The following HABP4 variants were observed in gnomAD, a reference collection of about 807,000 sequenced individuals.
The protein encoded by HABP4 is intracellular hyaluronan-binding protein 4.
A neutral mutation model predicts 44.1 loss-of-function variants in HABP4; 32 were observed. The observed-to-expected ratio is 0.73, with a 90% CI of 0.55 to 0.97. HABP4 has a LOEUF of 0.97. HABP4 is among the 50% of genes least tolerant of loss of function. HABP4 has a pLI of 0.00. For missense variants in HABP4, 503 were observed against 561.9 expected (o/e 0.90, Z 1.06); for synonymous variants, 216 against 218.0 (o/e 0.99, Z 0.08).
chr9:96,452,705 A>G (rs769461439), intron 1 of HABP4, among the ~76,000 whole-genome samples: 4 of 152,132 alleles, frequency 2.6e-5, no homozygotes, highest in Non-Finnish European at 4.4e-5. Flanking sequence ...TTTATCTATA[A>G]TGGGTGTCAA....
In HABP4 at chr9:96,488,575, G is replaced by A. The variant is rs902341186; in HGVS notation, c.1185+301G>A. ...TTGGGATTGAACTGGAGCACCTGAC[G>A]TTTTGCTTACTGTGGCCTGATTGTG... On this transcript the variant is annotated intron_variant, in intron 7 of 7. Coordinates refer to ENST00000375249, the MANE Select transcript of HABP4 (RefSeq NM_014282.4). This position sits in a 1 kb window ranked among gnomAD's most constrained non-coding sequence, Gnocchi z 4.6. Among the ~76,000 whole-genome samples the A allele has an allele frequency of 7.9e-5, 12 of 152,154 alleles. No homozygotes were observed. The South Asian group carries it at 1.2e-3, about 16-fold the overall frequency.
At chr9:96,489,839 A>T (rs1200031134) in intron 7 of HABP4, 143 bp from the exon 8 acceptor site, 1 of 681,922 alleles carries the variant, frequency 1.5e-6, no homozygotes, top group East Asian at 2.6e-5. Context: ...GTTAGCAGTG[A>T]CCTGTGACTC....
At position 96,470,271 on chromosome 9, in the gene HABP4, C is replaced by T. The variant is rs888726911; in HGVS notation, c.744-740C>T. Among the ~76,000 whole-genome samples, 4 of 152,042 alleles carry T rather than the reference C, an allele frequency of 2.6e-5. No homozygotes were observed. The East Asian group carries it at 5.9e-4, about 22-fold the overall frequency. On this transcript the variant is annotated intron_variant, in intron 4 of 7. Coordinates refer to ENST00000375249, the MANE Select transcript of HABP4 (RefSeq NM_014282.4). Reference sequence around the variant, plus strand: ...CTACAGTGAGCTGTGATGGCGCCACCGCACTCCAACCACCATGCCCAGCTA... The same window carrying T: ...CTACAGTGAGCTGTGATGGCGCCACTGCACTCCAACCACCATGCCCAGCTA...
Position 96,490,278 on chromosome 9 carries a change from A to G in HABP4, c.*240A>G. 1.8e-6 allele frequency: 1 copy of G among 561,110 alleles called. No individual in the cohort carries two copies. Among genetic ancestry groups the G allele is most frequent in the Non-Finnish European group, 3.2e-6 (1 of 314,700 alleles). The allele number at this position is 561,110 out of a possible 1,614,324, so 34.8% of individuals were successfully genotyped here. ...GTTTTTATTGAAGGAATTTCAAATG[A>G]AGAATAATGTTTAAAATGTGTATAT... On this transcript the variant is annotated 3_prime_UTR_variant, in exon 8 of 8. Coordinates refer to ENST00000375249, the MANE Select transcript of HABP4 (RefSeq NM_014282.4).
chr9:96,460,999 G>A (rs1832491603), intron 2 of HABP4, among the ~76,000 whole-genome samples: 1 of 152,144 alleles, frequency 6.6e-6, no homozygotes, highest in East Asian at 1.9e-4. Context: ...AATAACATTT[G>A]AGCCAAGCAT....
At chr9:96,472,570 G>C (rs1339629066) in intron 5 of HABP4, among the ~76,000 whole-genome samples, 1 of 152,002 alleles carries the variant, frequency 6.6e-6, no homozygotes, top group Admixed American at 6.6e-5. Flanking sequence ...CATCCCCCCC[G>C]ACCTCTTCAC....
At chr9:96,485,342 C>T (rs1038648184) in intron 6 of HABP4, among the ~76,000 whole-genome samples, 1 of 152,240 alleles carries the variant, frequency 6.6e-6, no homozygotes, top group African/African-American at 2.4e-5. Context: ...TGAGCCACTG[C>T]ACCTGGCCGA....
At chr9:96,456,780 A>AAT (rs71368267) in intron 1 of HABP4, among the ~76,000 whole-genome samples, 581 of 44,722 alleles carry the variant, frequency 0.013, 12 homozygotes, top group South Asian at 0.018. Context: ...AAAAAAAAAA[A>AAT]ATATATATAT....
intron 5 of HABP4, among the ~76,000 whole-genome samples, chr9:96,473,310 TC>T (rs1211423901): frequency 6.6e-6 from 1 of 152,158 alleles, no homozygotes; most frequent in African/African-American, 2.4e-5. Flanking sequence ...ACTCAGTGTT[TC>T]CATCCAACTG....
At chr9:96,457,341 CAAAA>C (rs1231580869) in intron 1 of HABP4, among the ~76,000 whole-genome samples, 1 of 146,792 alleles carries the variant, frequency 6.8e-6, no homozygotes, top group Non-Finnish European at 1.5e-5. Flanking sequence ...AACTCAGTCT[CAAAA>C]AAAAAACACA....
Position 96,488,388 on chromosome 9 carries a change from C to A in HABP4, c.1185+114C>A. ...TTTCTGCAGTCACTTCTTTCTGTAG[C>A]TAGTGTGGGACTGATGTTGGGGCAT... On this transcript the variant is annotated intron_variant, in intron 7 of 7. Transcript: ENST00000375249. The surrounding 1 kb of genome is among the most constrained non-coding windows in gnomAD (Gnocchi z 4.6). 1 of 677,054 alleles carries A rather than the reference C, an allele frequency of 1.5e-6. No individual in the cohort carries two copies. Among genetic ancestry groups the A allele is most frequent in the Non-Finnish European group, 2.5e-6 (1 of 403,706 alleles). 41.9% of individuals were successfully genotyped at this position (677,054 alleles called of 1,614,324 possible).
intron 5 of HABP4, among the ~76,000 whole-genome samples, chr9:96,472,871 C>A (rs1273629339): frequency 6.6e-6 from 1 of 152,186 alleles, no homozygotes; most frequent in Non-Finnish European, 1.5e-5. Flanking sequence ...GTCTCCAGAT[C>A]TAATGGATGC....
Position 96,488,102 on chromosome 9 carries a change from A to C in HABP4, c.1013A>C (p.Asp338Ala), listed in dbSNP as rs776070584. The C allele has an allele frequency of 2.5e-5, 40 of 1,611,774 alleles. No homozygotes were observed. In the East Asian group the frequency reaches 8.7e-4, roughly 35 times the overall value. The change falls in exon 7 of 8, where the codon GAC (aspartate) becomes GCC (alanine). Residue 338 changes from aspartate (D) to alanine (A), a missense_variant. Physicochemically the swap from Asp to Ala is moderately radical, Grantham distance 126. Coordinates refer to ENST00000375249, the MANE Select transcript of HABP4 (RefSeq NM_014282.4). This position sits in a 1 kb window ranked among gnomAD's most constrained non-coding sequence, Gnocchi z 4.6. ...ATTGTGTTTCAGATGGTAAAAGATG[A>C]CTATGAGGACGATTCCCATGTTTTC... The part of the protein sequence containing the change: ...SKYRDDMVKD[D>A]YEDDSHVFRK...
At chr9:96,452,079 T>C (rs916583308) in intron 1 of HABP4, among the ~76,000 whole-genome samples, 3 of 151,722 alleles carry the variant, frequency 2.0e-5, no homozygotes, top group Non-Finnish European at 4.4e-5. Flanking sequence ...TACAAAAAAT[T>C]AGTCGGGCGT....
chr9:96,450,242 G>A lies in HABP4; in HGVS notation c.-38G>A. Reference sequence around the variant, plus strand: ...GCCGGCTTCGCTGAGACGCGCTCGCGTGGGCTGCCCTCCCGGGCCCGCAGT... The same window carrying A: ...GCCGGCTTCGCTGAGACGCGCTCGCATGGGCTGCCCTCCCGGGCCCGCAGT... On this transcript the variant is annotated 5_prime_UTR_variant, in exon 1 of 8. The change creates a new upstream start codon in the 5' untranslated region. Transcript: ENST00000375249. The surrounding 1 kb of genome is among the most constrained non-coding windows in gnomAD (Gnocchi z 4.8). The A allele has an allele frequency of 7.4e-7, 1 of 1,358,552 alleles. No homozygotes were observed. Among genetic ancestry groups the A allele is most frequent in the Non-Finnish European group, 9.6e-7 (1 of 1,045,394 alleles). The allele number at this position is 1,358,552 out of a possible 1,614,324, so 84.2% of individuals were successfully genotyped here.
intron 5 of HABP4, among the ~76,000 whole-genome samples, chr9:96,478,659 T>G (rs962607635): frequency 1.3e-5 from 2 of 151,834 alleles, no homozygotes; most frequent in African/African-American, 2.4e-5. Context: ...TGTCATCGTT[T>G]TTTTTTTTTT....
intron 5 of HABP4, 90 bp downstream of exon 5, chr9:96,471,184 C>T: frequency 1.3e-6 from 1 of 762,110 alleles, no homozygotes; most frequent in Non-Finnish European, 2.3e-6. Context: ...GCTTTGTCAC[C>T]CAGGCTGGAG....
chr9:96,480,067 C>G (rs565530509), intron 5 of HABP4, among the ~76,000 whole-genome samples: 1 of 152,156 alleles, frequency 6.6e-6, no homozygotes, highest in East Asian at 1.9e-4. Context: ...CCCAGCTACT[C>G]TGGAGGCTGA....
At chr9:96,485,016 C>CT (rs916125006) in intron 6 of HABP4, among the ~76,000 whole-genome samples, 4 of 151,624 alleles carry the variant, frequency 2.6e-5, no homozygotes, top group African/African-American at 9.7e-5. Flanking sequence ...ACTTTCAACT[C>CT]TGTTTCTTGA....
Sources: gnomAD v4.1 joint callset for allele counts (sites outside exome capture counted in the v4.1 genomes callset) on GRCh38, gnomAD v4.1.1 for gene constraint, Gnocchi (gnomAD v3.1) non-coding constraint, MANE v1.5 for transcripts, NCBI Gene and HGNC (gene_info 2026-07-23, HGNC 2026-07-21) for gene names.